The following PIGX variants were observed in gnomAD, a reference collection of about 807,000 sequenced individuals.
PIGX encodes GPI alpha-1,4-mannosyltransferase I, stabilizing subunit.
A neutral mutation model predicts 28.7 loss-of-function variants in PIGX; 24 were observed. The ratio of observed to expected loss-of-function variants is 0.84; its 90% confidence interval spans 0.60 to 1.17. The LOEUF (loss-of-function observed/expected upper bound fraction) is 1.17, where lower values mean the gene tolerates loss of function less well. Among genes scored for constraint, PIGX ranks in the 50% most tolerant of loss-of-function variants. PIGX has a pLI of 0.00. For missense variants in PIGX, 305 were observed against 317.8 expected (o/e 0.96, Z 0.31); for synonymous variants, 127 against 121.0 (o/e 1.05, Z -0.33).
intron 1 of PIGX, chr3:196,713,140 A>G: frequency 1.0e-6 from 1 of 953,398 alleles, no homozygotes; most frequent in South Asian, 4.9e-5. Context: ...GTTTGATGGG[A>G]GGAAAGCACA....
intron 5 of PIGX, among the ~76,000 whole-genome samples, chr3:196,732,697 A>G (rs535260354): frequency 1.6e-4 from 24 of 152,336 alleles, no homozygotes; most frequent in Non-Finnish European, 3.5e-4. Context: ...GTTTTCAGAT[A>G]GCACTTTGTT....
chr3:196,726,265 AGG>A (rs1712517572), intron 3 of PIGX, among the ~76,000 whole-genome samples: 1 of 151,168 alleles, frequency 6.6e-6, no homozygotes, highest in Admixed American at 6.6e-5. Flanking sequence ...CACTCCAGCC[AGG>A]GTGACAGAGT....
intron 1 of PIGX, among the ~76,000 whole-genome samples, chr3:196,715,103 TAAA>T (rs933211278): frequency 6.6e-6 from 1 of 151,964 alleles, no homozygotes. Context: ...TAAATAAAAA[TAAA>T]AAAAGAACAA....
rs1374693024 is a variant in PIGX, at chr3:196,734,896, C to T, written c.*994C>T. The T allele has an allele frequency of 2.0e-5, 3 of 151,930 alleles. No homozygotes were observed. In the East Asian group the frequency reaches 5.8e-4, roughly 29 times the overall value. The allele number at this position is 151,930 out of a possible 1,614,324, so 9.4% of individuals were successfully genotyped here. A position where few individuals can be genotyped will look rare whatever the true frequency, so the allele number is the denominator to read the frequency against. ...CATTTTAAATAAAGTTGTACATGAA[C>T]AATAATTGGAATCATCAGGTAATTT... On this transcript the variant is annotated 3_prime_UTR_variant, in exon 6 of 6. Transcript: ENST00000392391.
Position 196,730,975 on chromosome 3 carries a change from TC to T in PIGX, c.533-16del, listed in dbSNP as rs781188709. 6 of 1,518,400 alleles carry T rather than the reference TC, an allele frequency of 4.0e-6. No individual in the cohort carries two copies. The South Asian group carries it at 6.8e-5, about 17-fold the overall frequency. The allele number at this position is 1,518,400 out of a possible 1,614,324, so 94.1% of individuals were successfully genotyped here. A position where few individuals can be genotyped will look rare whatever the true frequency, so the allele number is the denominator to read the frequency against. On this transcript the variant is annotated splice_polypyrimidine_tract_variant and intron_variant, in intron 4 of 5. Coordinates refer to ENST00000392391, the MANE Select transcript of PIGX (RefSeq NM_017861.4). The stretch of plus-strand genomic sequence containing the variant: ...AAATACAGGTTTTCTGACATCATTT[TC>T]TACCACTTTTCTCAGAGTTCCCGAT...
intron 5 of PIGX, among the ~76,000 whole-genome samples, chr3:196,731,972 C>T (rs1478358269): frequency 1.3e-5 from 2 of 150,932 alleles, no homozygotes; most frequent in African/African-American, 4.9e-5. Flanking sequence ...ACTATAGGCG[C>T]CTGCCACCAT....
Position 196,733,359 on chromosome 3 carries a change from A to G in PIGX, c.634-400A>G, listed in dbSNP as rs925737125. On this transcript the variant is annotated intron_variant, in intron 5 of 5. Coordinates refer to ENST00000392391, the MANE Select transcript of PIGX (RefSeq NM_017861.4). This position sits in a 1 kb window ranked among gnomAD's most constrained non-coding sequence, Gnocchi z 4.3. ...AAATAAAAATATCCAATTAAAAATC[A>G]AAGAAATAGTGGTCTCACCTTATGA... Among the ~76,000 whole-genome samples the G allele has an allele frequency of 1.3e-5, 2 of 152,194 alleles. No homozygotes were observed. Among genetic ancestry groups the G allele is most frequent in the Admixed American group, 6.5e-5 (1 of 15,270 alleles).
chr3:196,728,867 G>C lies in PIGX; in HGVS notation c.532+731G>C, dbSNP rs73072722. The C allele has an allele frequency of 5.1e-3, 3,567 of 700,068 alleles. 73 individuals are homozygous for C. The African/African-American group carries it at 0.055, about 11-fold the overall frequency. 43.4% of individuals were successfully genotyped at this position (700,068 alleles called of 1,614,324 possible). On this transcript the variant is annotated intron_variant, in intron 4 of 5. Transcript: ENST00000392391. Reference sequence around the variant, plus strand: ...ACCCCTCTGTTGCTTTTTGTTTCTTGTTATCAGTATTGCAGGACTCTGGCT... The same window carrying C: ...ACCCCTCTGTTGCTTTTTGTTTCTTCTTATCAGTATTGCAGGACTCTGGCT...
chr3:196,722,483 A>C lies in PIGX; in HGVS notation c.245A>C (p.Lys82Thr). 6.2e-7 allele frequency: 1 copy of C among 1,613,198 alleles called. No homozygotes were observed. Among genetic ancestry groups the C allele is most frequent in the Non-Finnish European group, 8.5e-7 (1 of 1,179,154 alleles). ...TTGCACACCTGCCGTCTCTTAATTAAACAGGACATTCCTGCAGGACTTTAT... is the reference window on the plus strand; with the variant it reads ...TTGCACACCTGCCGTCTCTTAATTACACAGGACATTCCTGCAGGACTTTAT... Residue 82 changes from lysine (K) to threonine (T), a missense_variant, in exon 3 of 6, where the codon AAA becomes ACA. Physicochemically the swap from Lys to Thr is moderately conservative, Grantham distance 78. Transcript: ENST00000392391.
At chr3:196,727,184 G>A (rs986029961) in intron 3 of PIGX, among the ~76,000 whole-genome samples, 6 of 152,100 alleles carry the variant, frequency 3.9e-5, no homozygotes, top group African/African-American at 7.2e-5. Context: ...CATAGGTCGC[G>A]TATATAATGC....
chr3:196,731,127 G>T (rs1166228534), intron 5 of PIGX, 35 bp downstream of exon 5: 2 of 1,173,128 alleles, frequency 1.7e-6, no homozygotes, highest in African/African-American at 1.5e-5. Flanking sequence ...TTTAGATCAT[G>T]TGCCTCATTT....
chr3:196,728,219 G>A, intron 4 of PIGX, 83 bp downstream of exon 4: 1 of 1,099,060 alleles, frequency 9.1e-7, no homozygotes, highest in Non-Finnish European at 1.4e-6. Flanking sequence ...AGGCTGGCTG[G>A]CAAGGCCCTA....
At chr3:196,728,216 C>A in intron 4 of PIGX, 80 bp downstream of exon 4, 1 of 1,127,048 alleles carries the variant, frequency 8.9e-7, no homozygotes, top group Non-Finnish European at 1.3e-6. Flanking sequence ...GCTAGGCTGG[C>A]TGGCAAGGCC....
intron 3 of PIGX, among the ~76,000 whole-genome samples, chr3:196,724,836 G>A (rs752378873): frequency 4.6e-5 from 7 of 152,172 alleles, no homozygotes; most frequent in South Asian, 2.1e-4. Context: ...TATATAATAA[G>A]TGTAACTGGG....
At chr3:196,724,562 G>A (rs1200048050) in intron 3 of PIGX, among the ~76,000 whole-genome samples, 1 of 152,214 alleles carries the variant, frequency 6.6e-6, no homozygotes, top group Non-Finnish European at 1.5e-5. Flanking sequence ...ACTGTTAGAA[G>A]AAAAGGGTAC....
chr3:196,733,641 G>C lies in PIGX; in HGVS notation c.634-118G>C. 1.4e-6 allele frequency: 1 copy of C among 696,266 alleles called. No homozygotes were observed. The allele number at this position is 696,266 out of a possible 1,614,324, so 43.1% of individuals were successfully genotyped here. ...TTGGCCAGGCTGGTTTTGAACTCCT[G>C]ACCTCAAGCGATCTGCCCGCCTTGG... On this transcript the variant is annotated intron_variant, in intron 5 of 5. Transcript: ENST00000392391. This position sits in a 1 kb window ranked among gnomAD's most constrained non-coding sequence, Gnocchi z 4.3.
chr3:196,733,894 T>C lies in PIGX; in HGVS notation c.769T>C (p.Ser257Pro). 6.3e-7 allele frequency: 1 copy of C among 1,597,226 alleles called. No homozygotes were observed. ...AGCAGTTTTCAAATATGGCCATTTT[T>C]CCCTATAAGTTTTATGTAGTTAAAT... Residue 257 changes from serine to proline, a missense_variant, in exon 6 of 6, where the codon TCC (serine) becomes CCC (proline). By Grantham distance (74) the Ser-to-Pro change is moderately conservative. Coordinates refer to ENST00000392391, the MANE Select transcript of PIGX (RefSeq NM_017861.4). This position sits in a 1 kb window ranked among gnomAD's most constrained non-coding sequence, Gnocchi z 4.3.
chr3:196,727,910 T>C lies in PIGX; in HGVS notation c.319-13T>C, dbSNP rs545609304. On this transcript the variant is annotated splice_polypyrimidine_tract_variant and intron_variant, in intron 3 of 5. Coordinates refer to ENST00000392391, the MANE Select transcript of PIGX (RefSeq NM_017861.4). The stretch of plus-strand genomic sequence containing the variant: ...ATTTCTTCTTGATTAATATTTATTT[T>C]CTTTTTGAACAGGCAGTGATGGTTT... 2.0e-6 allele frequency: 3 copies of C among 1,525,486 alleles called. No homozygotes were observed. In the African/African-American group the frequency reaches 4.1e-5, roughly 21 times the overall value. The allele number at this position is 1,525,486 out of a possible 1,614,324, so 94.5% of individuals were successfully genotyped here.
At chr3:196,720,588 T>G (rs1481927522) in intron 2 of PIGX, among the ~76,000 whole-genome samples, 1 of 152,194 alleles carries the variant, frequency 6.6e-6, no homozygotes, top group Non-Finnish European at 1.5e-5. Flanking sequence ...CTATTGTAAT[T>G]TTTTGAGAAA....
Sources: gnomAD v4.1 joint callset for allele counts (sites outside exome capture counted in the v4.1 genomes callset) on GRCh38, gnomAD v4.1.1 for gene constraint, Gnocchi (gnomAD v3.1) non-coding constraint, MANE v1.5 for transcripts, NCBI Gene and HGNC (gene_info 2026-07-23, HGNC 2026-07-21) for gene names.